IL18RAP: variants seen among roughly 807,000 people sequenced by gnomAD.
The protein encoded by IL18RAP is interleukin 18 receptor accessory protein.
Under a neutral mutation model 58.1 loss-of-function variants are expected in IL18RAP, and 37 were observed. That is an observed-to-expected ratio of 0.64 (90% CI 0.49 to 0.84). The LOEUF (loss-of-function observed/expected upper bound fraction) is 0.84. Among genes scored for constraint, IL18RAP ranks in the 40% least tolerant of loss-of-function variants. The pLI is 0.00. For synonymous variants in IL18RAP, 268 were observed against 257.5 expected, an observed-to-expected ratio of 1.04 and a Z score of -0.39; for missense variants, 667 against 704.8, an observed-to-expected ratio of 0.95 and a Z score of 0.61.
Position 102,450,839 on chromosome 2 carries a change from A to C in IL18RAP, c.1211-9A>C, listed in dbSNP as rs187104916. Reference sequence around the variant, plus strand: ...GACTTATGTTTTTATAAATTTTCCTATTCTTCAGATAAAAAGGATTTTGAT... The same window carrying C: ...GACTTATGTTTTTATAAATTTTCCTCTTCTTCAGATAAAAAGGATTTTGAT... On this transcript the variant is annotated splice_polypyrimidine_tract_variant and intron_variant, in intron 8 of 9. Coordinates refer to ENST00000687160, the MANE Select transcript of IL18RAP (RefSeq NM_001393487.1). 1.3e-6 allele frequency: 2 copies of C among 1,562,056 alleles called. No homozygotes were observed. The highest frequency in any genetic ancestry group is 4.5e-5 in the East Asian group (2 of 44,084).
intron 6 of IL18RAP, among the ~76,000 whole-genome samples, 185 bp downstream of exon 6, chr2:102,443,508 A>G (rs1282030011): frequency 6.6e-6 from 1 of 152,196 alleles, no homozygotes; most frequent in East Asian, 1.9e-4. Context: ...TTAAACCTCA[A>G]TTTGTAGGAA....
intron 8 of IL18RAP, among the ~76,000 whole-genome samples, chr2:102,447,614 A>G (rs527847618): frequency 6.6e-6 from 1 of 152,232 alleles, no homozygotes; most frequent in South Asian, 2.1e-4. Flanking sequence ...TTGTTTCCTC[A>G]TCTATAAAAC....
At chr2:102,436,998 C>T (rs1199587370) in intron 3 of IL18RAP, among the ~76,000 whole-genome samples, 4 of 152,072 alleles carry the variant, frequency 2.6e-5, no homozygotes, top group Non-Finnish European at 2.9e-5. Flanking sequence ...ACTCTCTCAT[C>T]TCTACACATA....
At position 102,424,031 on chromosome 2, in the gene IL18RAP, T is replaced by A; in HGVS notation, c.291T>A (p.Ile97=). The change falls in exon 2 of 10, where the codon ATT becomes ATA. Residue 97 remains isoleucine, a synonymous_variant. Coordinates refer to ENST00000687160, the MANE Select transcript of IL18RAP (RefSeq NM_001393487.1). ...CGAATGGAGATCCATTAGAGGACAT[T>A]AGGAAAAGCTATCCTCACATCATTC... is the stretch of plus-strand genomic sequence containing the variant. The part of the protein sequence containing the change: ...QPSNGDPLED[I]RKSYPHIIQD... 1.2e-6 allele frequency: 2 copies of A among 1,614,046 alleles called. 1 individual carries two copies. Among genetic ancestry groups the A allele is most frequent in the South Asian group, 2.2e-5 (2 of 91,082 alleles).
At chr2:102,437,465 T>C in intron 4 of IL18RAP, 103 bp downstream of exon 4, 4 of 1,140,282 alleles carry the variant, frequency 3.5e-6, no homozygotes, top group East Asian at 2.5e-5. Flanking sequence ...AAAAGGATAG[T>C]CATATACTTG....
intron 3 of IL18RAP, among the ~76,000 whole-genome samples, chr2:102,429,840 C>A (rs1301940122): frequency 6.6e-6 from 1 of 151,918 alleles, no homozygotes; most frequent in African/African-American, 2.4e-5. Context: ...TGTTTAGGAG[C>A]ACTTTGTTTC....
chr2:102,443,156 C>T (rs377714979), intron 5 of IL18RAP, 44 bp from the exon 6 acceptor site: 1 of 1,582,968 alleles, frequency 6.3e-7, no homozygotes. Flanking sequence ...ACAAAGTATT[C>T]TCACCAGCTT....
At chr2:102,425,223 CATAAT>C (rs1681863601) in intron 3 of IL18RAP, among the ~76,000 whole-genome samples, 1 of 152,196 alleles carries the variant, frequency 6.6e-6, no homozygotes, top group Admixed American at 6.5e-5. Flanking sequence ...TATTCAACCT[CATAAT>C]ATATGTGTTT....
rs1213096438 is a variant in IL18RAP, at chr2:102,423,966, A to T, written c.226A>T (p.Ser76Cys). The T allele has an allele frequency of 1.2e-6, 2 of 1,613,988 alleles. No individual in the cohort carries two copies. The highest frequency in any genetic ancestry group is 2.7e-5 in the African/African-American group (2 of 74,924). Residue 76 changes from serine to cysteine, a missense_variant, in exon 2 of 10, where the codon AGT becomes TGT. By Grantham distance (112) the Ser-to-Cys change is moderately radical (BLOSUM62 -1). Transcript: ENST00000687160. ...QVPEHLPFMG[S>C]NDLSDVQWYQ... is the part of the protein sequence containing the mutation. ...CCCTGAGCACCTGCCCTTCATGGGT[A>T]GTAACGACCTATCTGATGTCCAATG...
In IL18RAP at chr2:102,450,919, C is replaced by A. The variant is rs148763519; in HGVS notation, c.1282C>A (p.Leu428Met). 3,358 of 1,612,964 alleles carry A rather than the reference C, an allele frequency of 2.1e-3. 6 individuals carry two copies. Among genetic ancestry groups the A allele is most frequent in the Non-Finnish European group, 2.3e-3 (2,691 of 1,179,398 alleles). The change falls in exon 9 of 10, where the codon CTG becomes ATG. Residue 428 changes from leucine (L) to methionine (M), a missense_variant. Leu to Met is a conservative substitution (Grantham distance 15). Transcript: ENST00000687160. Reference sequence around the variant, plus strand: ...TTTTCCAAGTGAGGCCACTTCATCTCTGAGTGAAGAACACTTGGCCCTGAG... The same window carrying A: ...TTTTCCAAGTGAGGCCACTTCATCTATGAGTGAAGAACACTTGGCCCTGAG... ...SSFPSEATSS[L>M]SEEHLALSLF... is the part of the protein sequence containing the mutation.
chr2:102,435,000 A>C (rs1162176857), intron 3 of IL18RAP: 1 of 131,426 alleles, frequency 7.6e-6, no homozygotes, highest in Non-Finnish European at 1.7e-5. Flanking sequence ...TTCCCATTAA[A>C]AGATAAATAT....
intron 6 of IL18RAP, among the ~76,000 whole-genome samples, chr2:102,444,951 A>G (rs1200011065): frequency 6.6e-6 from 1 of 152,230 alleles, no homozygotes; most frequent in Non-Finnish European, 1.5e-5. Context: ...CTTAAGAGTA[A>G]GGAAGGTCAG....
intron 3 of IL18RAP, chr2:102,434,356 G>T (rs556418500): frequency 1.3e-5 from 2 of 152,250 alleles, no homozygotes; most frequent in African/African-American, 4.8e-5. Flanking sequence ...TGTTTGTAGA[G>T]TAGAATTTGT....
At chr2:102,443,534 G>A (rs1241048772) in intron 6 of IL18RAP, among the ~76,000 whole-genome samples, 1 of 152,232 alleles carries the variant, frequency 6.6e-6, no homozygotes, top group African/African-American at 2.4e-5. Context: ...TGACGTGGCT[G>A]CTCTCAAAGT....
In IL18RAP at chr2:102,424,265, A is replaced by T. The variant is rs1253289194; in HGVS notation, c.430A>T (p.Ile144Phe). The T allele has an allele frequency of 1.2e-6, 2 of 1,613,950 alleles. No homozygotes were observed. The highest frequency in any genetic ancestry group is 2.7e-5 in the African/African-American group (2 of 74,894). The change falls in exon 3 of 10, where the codon ATT becomes TTT. Residue 144 changes from isoleucine to phenylalanine, a missense_variant. Ile to Phe is a conservative substitution (Grantham distance 21). Transcript: ENST00000687160. The part of the protein sequence containing the change: ...PYDVACCVKM[I>F]LEVKPQTNAS... ...TGATGTAGCCTGTTGTGTCAAGATG[A>T]TTTTAGAAGTTAAGCCCCAGACAAA... is the stretch of plus-strand genomic sequence containing the variant.
At chr2:102,451,402 C>T (rs918000) in intron 9 of IL18RAP, among the ~76,000 whole-genome samples, 46,829 of 151,948 alleles carry the variant, frequency 0.31, 7,676 homozygotes, top group African/African-American at 0.37. Flanking sequence ...GCCTGGGCCA[C>T]GCCCTGGACA....
intron 1 of IL18RAP, 36 bp from the exon 2 acceptor site, chr2:102,423,775 T>C (rs1321320111): frequency 1.5e-6 from 2 of 1,328,560 alleles, no homozygotes; most frequent in South Asian, 1.2e-5. Flanking sequence ...CATTTTCTAA[T>C]GTGTTTCCAT....
Position 102,443,223 on chromosome 2 carries a change from A to C in IL18RAP, c.820A>C (p.Lys274Gln). ...AGGAAAGCCTTTAACTATTAGCTGC[A>C]AAGCACGATTTGGCTTTGAAAGGGT... ...ELGKPLTISC[K>Q]ARFGFERVFN... Residue 274 changes from lysine to glutamine, a missense_variant, in exon 6 of 10, where the codon AAA becomes CAA. Transcript: ENST00000687160. 1 of 1,613,418 alleles carries C rather than the reference A, an allele frequency of 6.2e-7. No individual in the cohort carries two copies. Among genetic ancestry groups the C allele is most frequent in the Non-Finnish European group, 8.5e-7 (1 of 1,179,790 alleles).
upstream of IL18RAP, among the ~76,000 whole-genome samples, chr2:102,422,515 G>A (rs1681639494): frequency 6.6e-6 from 1 of 152,148 alleles, no homozygotes; most frequent in African/African-American, 2.4e-5. Flanking sequence ...TCTGCCCTGG[G>A]AATGCTCCAG....
Sources: allele counts gnomAD v4.1 joint callset (sites outside exome capture counted in the v4.1 genomes callset), GRCh38; gene constraint gnomAD v4.1.1; transcripts MANE v1.5; gene names NCBI Gene and HGNC (gene_info 2026-07-23, HGNC 2026-07-21).